Variants in PDZD2 observed in about 807,000 individuals in gnomAD.
PDZD2 encodes the protein PDZ domain containing 2.
Under a neutral mutation model 220.7 loss-of-function variants are expected in PDZD2, and 90 were observed. The observed-to-expected ratio is 0.41, with a 90% CI of 0.34 to 0.49. PDZD2 has a LOEUF of 0.49. PDZD2 is among the 20% of genes least tolerant of loss of function. PDZD2 has a pLI of 0.28. For missense variants in PDZD2, 3,174 were observed against 3,608.5 expected (o/e 0.88, Z 3.08); for synonymous variants, 1,375 against 1,450.5 (o/e 0.95, Z 1.18).
intron 1 of PDZD2, among the ~76,000 whole-genome samples, chr5:31,719,697 A>G (rs1438060347): frequency 6.6e-6 from 1 of 152,258 alleles, no homozygotes; most frequent in Non-Finnish European, 1.5e-5. Context: ...ACTGAAAGAA[A>G]GAGGACTTGA....
chr5:32,090,409 T>C lies in PDZD2; in HGVS notation c.6961T>C (p.Tyr2321His), dbSNP rs1373580524. The change falls in exon 20 of 25, where the codon TAT (tyrosine) becomes CAT (histidine). Residue 2321 changes from tyrosine (Y) to histidine (H), a missense_variant. Coordinates refer to ENST00000438447, the MANE Select transcript of PDZD2 (RefSeq NM_178140.4). The surrounding 1 kb of genome is among the most constrained non-coding windows in gnomAD (Gnocchi z 4.3). ...CAAAGTCACCAGACGACACTACTGC[T>C]ATGAGCAGAACTGGCCCCATGAATC... is the stretch of plus-strand genomic sequence containing the variant. ...KIKVTRRHYCYEQNWPHESTS... is the reference protein window; with the variant it reads ...KIKVTRRHYCHEQNWPHESTS... The C allele has an allele frequency of 3.7e-6, 6 of 1,614,192 alleles. No individual in the cohort carries two copies. The African/African-American group carries it at 4.0e-5, about 11-fold the overall frequency.
At chr5:32,091,348 G>A (rs377628087) in intron 20 of PDZD2, among the ~76,000 whole-genome samples, 173 bp downstream of exon 20, 33 of 144,384 alleles carry the variant, frequency 2.3e-4, no homozygotes, top group Non-Finnish European at 3.1e-4. Context: ...GCAATGGCGC[G>A]ATCTCGGCTC....
At chr5:32,049,126 T>C (rs1738264236) in intron 8 of PDZD2, among the ~76,000 whole-genome samples, 1 of 152,052 alleles carries the variant, frequency 6.6e-6, no homozygotes, top group Non-Finnish European at 1.5e-5. Flanking sequence ...TACACAGTAA[T>C]GACTCAAGCA....
chr5:31,834,405 C>T (rs1756819384), intron 2 of PDZD2, among the ~76,000 whole-genome samples: 1 of 152,144 alleles, frequency 6.6e-6, no homozygotes, highest in Non-Finnish European at 1.5e-5. Flanking sequence ...TTCATGACAA[C>T]TAGACATCAG....
At chr5:31,967,211 GA>G (rs1748839716) in intron 2 of PDZD2, among the ~76,000 whole-genome samples, 1 of 152,140 alleles carries the variant, frequency 6.6e-6, no homozygotes, top group Non-Finnish European at 1.5e-5. Context: ...GGATCCACTT[GA>G]AAGGGAAGGG....
chr5:32,005,081 G>C (rs1752695197), intron 5 of PDZD2, among the ~76,000 whole-genome samples: 1 of 152,214 alleles, frequency 6.6e-6, no homozygotes, highest in Non-Finnish European at 1.5e-5. Context: ...AAAAAAGATA[G>C]CAGCCTTCAT....
intron 2 of PDZD2, among the ~76,000 whole-genome samples, chr5:31,912,215 G>A (rs1743269611): frequency 6.6e-6 from 1 of 152,214 alleles, no homozygotes; most frequent in Non-Finnish European, 1.5e-5. Context: ...AGCTGATTCA[G>A]TGTCTGGTGA....
chr5:31,796,908 TTTTTTTGTTTG>T (rs1410857026), intron 1 of PDZD2, among the ~76,000 whole-genome samples: 1 of 150,628 alleles, frequency 6.6e-6, no homozygotes, highest in Non-Finnish European at 1.5e-5. Context: ...TTTACGGGGT[TTTTTTTGTTTG>T]TTTTTTGTTT....
chr5:32,078,808 GA>G (rs35649688), intron 19 of PDZD2, among the ~76,000 whole-genome samples: 46,121 of 144,310 alleles, frequency 0.32, 7,574 homozygotes, highest in East Asian at 0.47. Context: ...CAATCTCTGG[GA>G]AAAAAAAAAA....
chr5:32,084,928 C>G (rs1019591172), intron 19 of PDZD2, among the ~76,000 whole-genome samples: 1 of 143,068 alleles, frequency 7.0e-6, no homozygotes, highest in Non-Finnish European at 1.5e-5. Context: ...TTTCTTGCTT[C>G]TCTGCTTTCA....
intron 2 of PDZD2, among the ~76,000 whole-genome samples, chr5:31,846,227 G>A (rs1394804809): frequency 3.9e-5 from 6 of 152,126 alleles, no homozygotes; most frequent in Admixed American, 6.5e-5. Flanking sequence ...TCCGCATCCC[G>A]GGTTCAAGTG....
At chr5:32,101,681 C>T (rs1581503358) in intron 24 of PDZD2, among the ~76,000 whole-genome samples, 1 of 152,282 alleles carries the variant, frequency 6.6e-6, no homozygotes, top group Non-Finnish European at 1.5e-5. Flanking sequence ...TAAAATACTA[C>T]ACTTGTAAAT....
chr5:31,822,521 C>T (rs190814127), intron 2 of PDZD2: 159 of 601,016 alleles, frequency 2.6e-4, no homozygotes, highest in Middle Eastern at 2.4e-3. Flanking sequence ...AGGAAGCATC[C>T]GGCATCTTGT....
intron 5 of PDZD2, among the ~76,000 whole-genome samples, chr5:32,004,001 TGCATCC>T (rs1314258608): frequency 6.6e-6 from 1 of 152,032 alleles, no homozygotes; most frequent in South Asian, 2.1e-4. Context: ...CATGAGCCAC[TGCATCC>T]AGCCTCTCCT....
intron 2 of PDZD2, among the ~76,000 whole-genome samples, chr5:31,853,581 CA>C (rs1045028327): frequency 3.9e-5 from 6 of 152,198 alleles, no homozygotes; most frequent in Non-Finnish European, 8.8e-5. Flanking sequence ...CCAGGCTTGA[CA>C]TGGGTTGGCC....
At chr5:31,820,556 T>C (rs1329064504) in intron 2 of PDZD2, 6 of 152,176 alleles carry the variant, frequency 3.9e-5, no homozygotes, top group Non-Finnish European at 8.8e-5. Flanking sequence ...TTTTTTTAAT[T>C]TTTATTTTTT....
intron 3 of PDZD2, among the ~76,000 whole-genome samples, chr5:31,992,632 T>C (rs1369189900): frequency 6.6e-6 from 1 of 152,152 alleles, no homozygotes. Context: ...AGAATGGTGG[T>C]GTAAACTAGT....
intron 2 of PDZD2, among the ~76,000 whole-genome samples, chr5:31,896,370 G>A (rs572464945): frequency 7.1e-6 from 1 of 140,712 alleles, no homozygotes. Flanking sequence ...GTGTGTGTAT[G>A]TGTGTGTGTG....
At chr5:31,741,192 T>TACACACAC (rs3032908) in intron 1 of PDZD2, among the ~76,000 whole-genome samples, 1 of 150,400 alleles carries the variant, frequency 6.6e-6, no homozygotes, top group South Asian at 2.1e-4. Flanking sequence ...CAATAGTGTG[T>TACACACAC]ACACACACAC....
Sources: allele counts gnomAD v4.1 joint callset (sites outside exome capture counted in the v4.1 genomes callset), GRCh38; gene constraint gnomAD v4.1.1; non-coding constraint Gnocchi (gnomAD v3.1); transcripts MANE v1.5; gene names NCBI Gene and HGNC (gene_info 2026-07-23, HGNC 2026-07-21).